Variants in SAMD12 observed in about 807,000 individuals in gnomAD.
The protein encoded by SAMD12 is sterile alpha motif domain containing 12, also known as sterile alpha motif domain-containing protein 12.
SAMD12 carries 9 observed loss-of-function variants against 15.0 expected under a neutral mutation model. That is an observed-to-expected ratio of 0.60 (90% CI 0.36 to 1.05). SAMD12 has a LOEUF of 1.05. Among genes scored for constraint, SAMD12 ranks in the 50% least tolerant of loss-of-function variants. The pLI is 0.01. For synonymous variants in SAMD12, 86 were observed against 90.1 expected (o/e 0.96, Z 0.25); for missense variants, 230 against 234.2 (o/e 0.98, Z 0.12).
At chr8:118,492,835 C>T (rs1286905076) in intron 2 of SAMD12, among the ~76,000 whole-genome samples, 1 of 152,134 alleles carries the variant, frequency 6.6e-6, no homozygotes, top group African/African-American at 2.4e-5. Flanking sequence ...TAATATTCTA[C>T]TGTTTTAAGT....
chr8:118,592,191 C>A (rs1827599568), intron 1 of SAMD12, among the ~76,000 whole-genome samples: 1 of 151,932 alleles, frequency 6.6e-6, no homozygotes. Context: ...CATGGTGGTG[C>A]ATGCCTGTAA....
intron 2 of SAMD12, among the ~76,000 whole-genome samples, chr8:118,480,848 T>A (rs142037368): frequency 9.8e-5 from 15 of 152,308 alleles, no homozygotes; most frequent in Admixed American, 2.6e-4. Context: ...TCATGCCACC[T>A]CCTCCATACA....
At chr8:118,568,376 C>G (rs964593701) in intron 2 of SAMD12, among the ~76,000 whole-genome samples, 1 of 152,096 alleles carries the variant, frequency 6.6e-6, no homozygotes, top group Non-Finnish European at 1.5e-5. Context: ...AGGGACTTGC[C>G]AAGGCACAGA....
intron 4 of SAMD12, among the ~76,000 whole-genome samples, chr8:118,252,418 G>A (rs1025827837): frequency 2.6e-5 from 4 of 152,122 alleles, no homozygotes; most frequent in African/African-American, 9.7e-5. Context: ...TGACTTGTCC[G>A]AGGTCCCACA....
chr8:118,443,525 A>G (rs773897040), intron 2 of SAMD12, among the ~76,000 whole-genome samples: 12 of 152,194 alleles, frequency 7.9e-5, no homozygotes, highest in Non-Finnish European at 1.3e-4. Context: ...GCCTCCATGT[A>G]AACAGACATA....
At chr8:118,271,680 C>T (rs1164971167) in intron 4 of SAMD12, among the ~76,000 whole-genome samples, 2 of 152,160 alleles carry the variant, frequency 1.3e-5, no homozygotes, top group African/African-American at 4.8e-5. Flanking sequence ...AATACAACCT[C>T]CAAATGGGAG....
intron 2 of SAMD12, among the ~76,000 whole-genome samples, chr8:118,448,935 C>T (rs1822995288): frequency 1.3e-5 from 2 of 152,160 alleles, no homozygotes; most frequent in African/African-American, 4.8e-5. Flanking sequence ...TTAAATAGTG[C>T]CTCCCACATA....
the SAMD12 span, among the ~76,000 whole-genome samples, chr8:118,132,878 A>G: frequency 6.7e-6 from 1 of 150,170 alleles, no homozygotes; most frequent in Non-Finnish European, 1.5e-5. Context: ...GAATGTGGCC[A>G]CCTATCAGGG....
At chr8:118,216,559 T>C (rs10505331) in intron 4 of SAMD12, among the ~76,000 whole-genome samples, 79,908 of 152,054 alleles carry the variant, frequency 0.53, 22,290 homozygotes, top group Non-Finnish European at 0.62. Flanking sequence ...TTTTAATCTT[T>C]ACTCAGAACA....
intron 4 of SAMD12, among the ~76,000 whole-genome samples, chr8:118,282,519 A>G (rs1813699226): frequency 6.6e-6 from 1 of 152,200 alleles, no homozygotes; most frequent in South Asian, 2.1e-4. Flanking sequence ...TTTAAGCTTC[A>G]AGAAATTGTT....
rs79089329 is a variant in SAMD12 at position 118,231,172 on chromosome 8, A to G, written c.434-33440T>C. ...CAGGACAATGCCTGGCACAGAGTAG[A>G]TGATAAAATATTTGAATTTCTTTCT... On this transcript the variant is annotated intron_variant, in intron 4 of 4. Coordinates refer to the SAMD12 transcript ENST00000409003. Among the ~76,000 whole-genome samples the G allele has an allele frequency of 7.6e-3, 1,152 of 152,274 alleles. 15 individuals carry two copies. The highest frequency in any genetic ancestry group is 0.027 in the African/African-American group (1,103 of 41,554).
chr8:118,618,114 C>T (rs1004431130), intron 1 of SAMD12, among the ~76,000 whole-genome samples: 2 of 151,692 alleles, frequency 1.3e-5, no homozygotes, highest in African/African-American at 2.4e-5. Flanking sequence ...TGTTCTGTGG[C>T]GGGAAAGCAT....
intron 4 of SAMD12, among the ~76,000 whole-genome samples, chr8:118,286,578 G>A (rs1055009780): frequency 5.3e-5 from 8 of 152,144 alleles, no homozygotes; most frequent in African/African-American, 7.2e-5. Context: ...CCCCTGTGGC[G>A]ATGTGTCATA....
chr8:118,544,231 C>A (rs1290315217), intron 2 of SAMD12, among the ~76,000 whole-genome samples: 1 of 152,148 alleles, frequency 6.6e-6, no homozygotes, highest in Non-Finnish European at 1.5e-5. Context: ...TTCACTTTCA[C>A]AATATTTTGG....
chr8:118,545,979 T>C (rs1826113218), intron 2 of SAMD12, among the ~76,000 whole-genome samples: 1 of 152,098 alleles, frequency 6.6e-6, no homozygotes, highest in Non-Finnish European at 1.5e-5. Context: ...ATGTGAGTGG[T>C]CGAGCTCCAA....
At chr8:118,446,375 A>G (rs576776229) in intron 2 of SAMD12, among the ~76,000 whole-genome samples, 1 of 152,316 alleles carries the variant, frequency 6.6e-6, no homozygotes, top group South Asian at 2.1e-4. Flanking sequence ...AACCTAATGC[A>G]AGAGTCCAAT....
At chr8:118,549,857 A>C (rs889892767) in intron 2 of SAMD12, among the ~76,000 whole-genome samples, 1 of 152,238 alleles carries the variant, frequency 6.6e-6, no homozygotes, top group Non-Finnish European at 1.5e-5. Context: ...CTGAAAGCCA[A>C]GGCTCCAGAA....
intron 3 of SAMD12, among the ~76,000 whole-genome samples, chr8:118,413,495 T>C (rs1821524139): frequency 6.6e-6 from 1 of 152,198 alleles, no homozygotes; most frequent in South Asian, 2.1e-4. Flanking sequence ...GCTTAAATTC[T>C]GCAACCTTAG....
chr8:118,552,386 T>G (rs1346952783), intron 2 of SAMD12, among the ~76,000 whole-genome samples: 1 of 152,140 alleles, frequency 6.6e-6, no homozygotes, highest in African/African-American at 2.4e-5. Context: ...TGCAAATCAA[T>G]AAATGTAATC....
Sources: allele counts gnomAD v4.1 joint callset (sites outside exome capture counted in the v4.1 genomes callset), GRCh38; gene constraint gnomAD v4.1.1; transcripts MANE v1.5; gene names NCBI Gene and HGNC (gene_info 2026-07-23, HGNC 2026-07-21).